Variants in TMEM232 observed in about 807,000 individuals in gnomAD.
The protein encoded by TMEM232 is transmembrane protein 232.
In TMEM232, 80 loss-of-function variants were observed where a neutral mutation model predicts 78.8. The ratio of observed to expected loss-of-function variants is 1.01; its 90% CI spans 0.85 to 1.22. TMEM232 has a LOEUF of 1.22. Ranked by LOEUF, TMEM232 falls within the 50% of genes most tolerant of loss-of-function variation. The pLI is 0.00. For synonymous variants in TMEM232, 297 were observed against 254.3 expected (o/e 1.17, Z -1.60); for missense variants, 881 against 742.2 (o/e 1.19, Z -2.17).
chr5:110,569,859 G>A (rs1464053601), intron 10 of TMEM232, among the ~76,000 whole-genome samples: 1 of 151,920 alleles, frequency 6.6e-6, no homozygotes, highest in African/African-American at 2.4e-5. Context: ...TGCTTAGAAA[G>A]CTCCCTGGCA....
At chr5:110,729,552 C>A (rs191830562), upstream of TMEM232, among the ~76,000 whole-genome samples, 4 of 152,148 alleles carry the variant, frequency 2.6e-5, no homozygotes, top group South Asian at 8.3e-4. Context: ...AAGCCAAAAA[C>A]GGCAGATTAT....
At chr5:110,731,832 C>T (rs1561583847) in intron 2 of TMEM232, among the ~76,000 whole-genome samples, 1 of 152,226 alleles carries the variant, frequency 6.6e-6, no homozygotes, top group Non-Finnish European at 1.5e-5. Context: ...ACATTAGGCT[C>T]CTTGCTTCCT....
At chr5:110,718,176 T>C (rs952967953) in intron 1 of TMEM232, among the ~76,000 whole-genome samples, 3 of 152,234 alleles carry the variant, frequency 2.0e-5, no homozygotes, top group Admixed American at 6.5e-5. Flanking sequence ...TTTATGTATT[T>C]GATTATAGAA....
intron 8 of TMEM232, among the ~76,000 whole-genome samples, chr5:110,617,486 C>T (rs1783089748): frequency 6.6e-6 from 1 of 152,094 alleles, no homozygotes; most frequent in African/African-American, 2.4e-5. Context: ...TTGACTTACT[C>T]ATTCCACAAG....
At chr5:110,601,555 A>G (rs993627915) in intron 10 of TMEM232, among the ~76,000 whole-genome samples, 50 of 152,202 alleles carry the variant, frequency 3.3e-4, no homozygotes, top group African/African-American at 1.2e-3. Context: ...ACTGCTACAA[A>G]GAAAATAAAA....
intron 12 of TMEM232, among the ~76,000 whole-genome samples, chr5:110,465,223 C>A (rs762799549): frequency 3.9e-5 from 6 of 152,178 alleles, no homozygotes; most frequent in Admixed American, 6.5e-5. Flanking sequence ...GCTGTCTTGG[C>A]AAAATATTAT....
At chr5:110,681,805 AAG>A (rs969637014) in intron 1 of TMEM232, among the ~76,000 whole-genome samples, 5 of 152,226 alleles carry the variant, frequency 3.3e-5, no homozygotes, top group African/African-American at 1.2e-4. Flanking sequence ...ATTTGCTAAA[AAG>A]AGAGTCTTGA....
chr5:110,664,061 G>A (rs1790205943), intron 2 of TMEM232, among the ~76,000 whole-genome samples: 1 of 152,132 alleles, frequency 6.6e-6, no homozygotes, highest in East Asian at 1.9e-4. Context: ...GCTCTCTTGA[G>A]CCCAGGAATT....
At chr5:110,690,770 T>C (rs1357140451) in intron 1 of TMEM232, among the ~76,000 whole-genome samples, 1 of 152,168 alleles carries the variant, frequency 6.6e-6, no homozygotes, top group East Asian at 1.9e-4. Flanking sequence ...GTAGCACATA[T>C]ACACCATGGA....
At chr5:110,511,900 A>G (rs1219185610) in intron 12 of TMEM232, among the ~76,000 whole-genome samples, 1 of 152,010 alleles carries the variant, frequency 6.6e-6, no homozygotes. Flanking sequence ...CAGCCATACC[A>G]CTGGTTTTTA....
intron 12 of TMEM232, among the ~76,000 whole-genome samples, chr5:110,496,309 A>G (rs542673789): frequency 6.6e-6 from 1 of 152,108 alleles, no homozygotes; most frequent in South Asian, 2.1e-4. Context: ...ACTTTTTCAT[A>G]TCAAGCTCCT....
chr5:110,489,538 A>G (rs1380668382), intron 12 of TMEM232, among the ~76,000 whole-genome samples: 1 of 152,126 alleles, frequency 6.6e-6, no homozygotes, highest in Non-Finnish European at 1.5e-5. Context: ...TGAAAAAGCC[A>G]AAAGATAACA....
chr5:110,508,477 C>T (rs1390597533), intron 12 of TMEM232, among the ~76,000 whole-genome samples: 5 of 151,054 alleles, frequency 3.3e-5, no homozygotes, highest in African/African-American at 9.7e-5. Context: ...TATTCTTGAA[C>T]ATAAATGTCA....
chr5:110,549,356 T>C (rs1232339013), intron 11 of TMEM232, among the ~76,000 whole-genome samples: 2 of 151,978 alleles, frequency 1.3e-5, no homozygotes, highest in African/African-American at 4.8e-5. Context: ...GGCTCAGGCC[T>C]GTAATCCCAG....
chr5:110,606,757 A>T (rs994345237), intron 8 of TMEM232, among the ~76,000 whole-genome samples: 4 of 152,066 alleles, frequency 2.6e-5, no homozygotes, highest in Non-Finnish European at 5.9e-5. Context: ...TGGAAAAAGT[A>T]AAATTTCTCA....
intron 12 of TMEM232, among the ~76,000 whole-genome samples, chr5:110,453,034 A>G (rs1048136095): frequency 6.6e-6 from 1 of 152,216 alleles, no homozygotes; most frequent in Non-Finnish European, 1.5e-5. Context: ...TGGAGCTATT[A>G]GTAGCTTTAT....
chr5:110,638,467 T>A (rs1786206235), intron 4 of TMEM232, 112 bp from the exon 5 acceptor site: 1 of 1,037,012 alleles, frequency 9.6e-7, no homozygotes, highest in Non-Finnish European at 1.4e-6. Flanking sequence ...ATTGCAGTTT[T>A]AAAATATATT....
chr5:110,675,849 T>C (rs1054965666), intron 1 of TMEM232, among the ~76,000 whole-genome samples: 55 of 152,308 alleles, frequency 3.6e-4, no homozygotes, highest in African/African-American at 1.2e-3. Context: ...ATAGTCACCA[T>C]GCTGTACAAC....
chr5:110,494,933 T>C (rs1765484473), intron 12 of TMEM232, among the ~76,000 whole-genome samples: 1 of 151,760 alleles, frequency 6.6e-6, no homozygotes, highest in Admixed American at 6.6e-5. Context: ...CATATACTTA[T>C]TATAAGTATT....
Sources: gnomAD v4.1 joint callset for allele counts (sites outside exome capture counted in the v4.1 genomes callset) on GRCh38, gnomAD v4.1.1 for gene constraint, MANE v1.5 for transcripts, NCBI Gene and HGNC (gene_info 2026-07-23, HGNC 2026-07-21) for gene names.